TSNARE1: variants seen among roughly 807,000 people sequenced by gnomAD.
The protein encoded by TSNARE1 is t-SNARE domain-containing protein 1.
A neutral mutation model predicts 62.0 loss-of-function variants in TSNARE1; 49 were observed. The ratio of observed to expected loss-of-function variants is 0.79; its 90% CI spans 0.63 to 1.00. TSNARE1 has a LOEUF of 1.00. TSNARE1 is among the 50% of genes least tolerant of loss of function. The pLI is 0.00. For missense variants in TSNARE1, 755 were observed against 700.1 expected (o/e 1.08, Z -0.88); for synonymous variants, 328 against 294.4 (o/e 1.11, Z -1.17).
intron 9 of TSNARE1, among the ~76,000 whole-genome samples, chr8:142,306,177 C>T (rs751523503): frequency 5.9e-5 from 9 of 152,288 alleles, no homozygotes; most frequent in Admixed American, 2.6e-4. Flanking sequence ...AACATCAGGA[C>T]GGACACGGCT....
chr8:142,283,601 G>A (rs1229413933), intron 11 of TSNARE1, among the ~76,000 whole-genome samples: 17 of 141,154 alleles, frequency 1.2e-4, no homozygotes, highest in Non-Finnish European at 1.8e-4. Flanking sequence ...CGGGGTTAGT[G>A]TCTGTCAACG....
intron 9 of TSNARE1, among the ~76,000 whole-genome samples, chr8:142,302,347 A>G (rs1467392590): frequency 6.6e-6 from 1 of 152,146 alleles, no homozygotes; most frequent in Non-Finnish European, 1.5e-5. Flanking sequence ...GTCTTGGCCC[A>G]GTAGGTGTCA....
chr8:142,257,595 G>T (rs1818648459), intron 12 of TSNARE1, among the ~76,000 whole-genome samples: 1 of 152,176 alleles, frequency 6.6e-6, no homozygotes, highest in Admixed American at 6.5e-5. Context: ...AGGGGTCCAG[G>T]CTGACAGGCT....
At chr8:142,277,115 C>G in intron 11 of TSNARE1, 3 of 985,374 alleles carry the variant, frequency 3.0e-6, no homozygotes, top group Non-Finnish European at 3.6e-6. Context: ...GTGGCTTTGT[C>G]AGGTCTTGGA....
intron 1 of TSNARE1, among the ~76,000 whole-genome samples, chr8:142,377,682 C>T (rs575176791): frequency 6.6e-5 from 10 of 152,324 alleles, no homozygotes; most frequent in African/African-American, 2.2e-4. Flanking sequence ...TCAGACACAG[C>T]TTGTGGGGGT....
chr8:142,333,550 A>G (rs1490066713), intron 4 of TSNARE1, among the ~76,000 whole-genome samples: 1 of 152,206 alleles, frequency 6.6e-6, no homozygotes, highest in Admixed American at 6.5e-5. Flanking sequence ...GTGGCCCGGC[A>G]TGAAGGGACA....
intron 6 of TSNARE1, among the ~76,000 whole-genome samples, chr8:142,330,218 A>G (rs144041230): frequency 6.6e-6 from 1 of 152,350 alleles, no homozygotes; most frequent in Non-Finnish European, 1.5e-5. Context: ...GGGGAAAAGT[A>G]TAGACTGCTA....
At chr8:142,251,125 G>A (rs992654338) in intron 12 of TSNARE1, among the ~76,000 whole-genome samples, 27 of 152,224 alleles carry the variant, frequency 1.8e-4, no homozygotes, top group African/African-American at 5.5e-4. Context: ...CAGAGTCACC[G>A]GGCAGGCAAG....
intron 1 of TSNARE1, among the ~76,000 whole-genome samples, chr8:142,391,084 C>T (rs1460598108): frequency 4.7e-5 from 6 of 126,674 alleles, no homozygotes; most frequent in South Asian, 2.7e-4. Flanking sequence ...CTCTAACAGA[C>T]GCTGTACACT....
At chr8:142,328,903 C>T (rs1830632721) in intron 6 of TSNARE1, among the ~76,000 whole-genome samples, 1 of 152,052 alleles carries the variant, frequency 6.6e-6, no homozygotes, top group South Asian at 2.1e-4. Context: ...TGGGCCCCAC[C>T]TGGTGAGGTT....
Position 142,273,637 on chromosome 8 carries a change from G to GC in TSNARE1, c.1446+1143dup, listed in dbSNP as rs924510541. On this transcript the variant is annotated intron_variant, in intron 12 of 13. Transcript: ENST00000524325. ...TGACCTGAACCTTCTGAGTCTCATG[G>GC]CCCCCGACAGAAATGGGGAGGCCCA... 9.1e-6 allele frequency: 9 copies of GC among 985,232 alleles called. No homozygotes were observed. In the African/African-American group the frequency reaches 1.2e-4, roughly 13 times the overall value. The allele number at this position is 985,232 out of a possible 1,614,324, so 61.0% of individuals were successfully genotyped here. A position where few individuals can be genotyped will look rare whatever the true frequency, so the allele number is the denominator to read the frequency against.
intron 11 of TSNARE1, chr8:142,278,444 C>T (rs750969058): frequency 7.5e-5 from 74 of 985,350 alleles, no homozygotes; most frequent in Middle Eastern, 5.2e-4. Context: ...GCTTCGTTCC[C>T]AAAGTCCTTC....
chr8:142,346,668 T>C (rs9324584), intron 2 of TSNARE1, among the ~76,000 whole-genome samples: 47,831 of 152,234 alleles, frequency 0.31, 9,834 homozygotes, highest in African/African-American at 0.58. Context: ...GGACGTGTCC[T>C]GGTAGGTCAC....
intron 9 of TSNARE1, among the ~76,000 whole-genome samples, chr8:142,304,966 G>A (rs1190654082): frequency 1.3e-5 from 2 of 152,198 alleles, no homozygotes; most frequent in East Asian, 1.9e-4. Context: ...AAAGCCCCCA[G>A]GTAAACATAA....
At chr8:142,243,268 T>C (rs1299936281) in intron 12 of TSNARE1, among the ~76,000 whole-genome samples, 4 of 152,116 alleles carry the variant, frequency 2.6e-5, no homozygotes, top group African/African-American at 9.7e-5. Context: ...CCGAAGGAAA[T>C]GAAACCGGTA....
At chr8:142,323,845 C>A (rs891983423) in intron 6 of TSNARE1, among the ~76,000 whole-genome samples, 1 of 152,184 alleles carries the variant, frequency 6.6e-6, no homozygotes, top group South Asian at 2.1e-4. Flanking sequence ...TCACGGCCAC[C>A]GAGGGAGGGG....
chr8:142,361,110 C>G (rs574290631), intron 1 of TSNARE1, among the ~76,000 whole-genome samples: 36 of 152,366 alleles, frequency 2.4e-4, no homozygotes, highest in Non-Finnish European at 1.0e-4. Context: ...CTCTCCCGCC[C>G]CTGGTTTTCT....
rs150277376 is a variant in TSNARE1, at chr8:142,237,218, C to T, written c.1447-7639G>A. On this transcript the variant is annotated intron_variant, in intron 12 of 13. Transcript: ENST00000524325. The stretch of plus-strand genomic sequence containing the variant: ...CTGCCACCCCTCCTGCTTCTCCCTG[C>T]GTGGACCACTCTCTCCCTGGAGGGG... 3.4e-3 allele frequency among the ~76,000 whole-genome samples: 517 copies of T among 152,296 alleles called. 2 individuals are homozygous for T. Among genetic ancestry groups the T allele is most frequent in the African/African-American group, 0.012 (490 of 41,572 alleles).
chr8:142,297,442 G>A (rs1014713965), intron 10 of TSNARE1, among the ~76,000 whole-genome samples: 1 of 152,230 alleles, frequency 6.6e-6, no homozygotes, highest in African/African-American at 2.4e-5. Flanking sequence ...GTAAGTCATT[G>A]AAGGCTGGCC....
Sources: gnomAD v4.1 joint callset for allele counts (sites outside exome capture counted in the v4.1 genomes callset) on GRCh38, gnomAD v4.1.1 for gene constraint, MANE v1.5 for transcripts, NCBI Gene and HGNC (gene_info 2026-07-23, HGNC 2026-07-21) for gene names.